The following VSX2 variants were observed in gnomAD, a reference collection of about 807,000 sequenced individuals.
The protein encoded by VSX2 is visual system homeobox 2.
Under a neutral mutation model 32.1 loss-of-function variants are expected in VSX2, and 28 were observed. The ratio of observed to expected loss-of-function variants is 0.87; its 90% CI spans 0.65 to 1.20. The LOEUF (loss-of-function observed/expected upper bound fraction) is 1.20. Ranked by LOEUF, VSX2 falls within the 50% of genes most tolerant of loss-of-function variation. The pLI is 0.00. For missense variants in VSX2, 506 were observed against 488.7 expected, an observed-to-expected ratio of 1.04 and a Z score of -0.33; for synonymous variants, 243 against 214.1, an observed-to-expected ratio of 1.14 and a Z score of -1.18.
At chr14:74,248,266 C>T (rs1349071493) in intron 3 of VSX2, among the ~76,000 whole-genome samples, 1 of 145,776 alleles carries the variant, frequency 6.9e-6, no homozygotes, top group Non-Finnish European at 1.5e-5. Flanking sequence ...TGGCTCAGGC[C>T]TGTAATCCTA....
chr14:74,244,746 A>G (rs1439503407), intron 2 of VSX2, among the ~76,000 whole-genome samples: 1 of 151,806 alleles, frequency 6.6e-6, no homozygotes, highest in African/African-American at 2.4e-5. Context: ...GCACCTCCAG[A>G]AAGATTCCCA....
At chr14:74,260,202 T>A (rs1245651556) in intron 4 of VSX2, among the ~76,000 whole-genome samples, 5 of 152,112 alleles carry the variant, frequency 3.3e-5, no homozygotes, top group Non-Finnish European at 5.9e-5. Context: ...CCCCCAAATC[T>A]CTCTACTTGC....
At chr14:74,254,981 C>T (rs1038724915) in intron 3 of VSX2, among the ~76,000 whole-genome samples, 36 of 151,906 alleles carry the variant, frequency 2.4e-4, no homozygotes, top group Admixed American at 2.2e-3. Context: ...GGGGTTTCAC[C>T]GTGTTAGCCA....
In VSX2 at chr14:74,245,280, AG is replaced by A; in HGVS notation, c.573del (p.Ile192TyrfsTer110). 1 of 1,613,468 alleles carries A rather than the reference AG, an allele frequency of 6.2e-7. No individual in the cohort carries two copies. The highest frequency in any genetic ancestry group is 8.5e-7 in the Non-Finnish European group (1 of 1,179,804). On this transcript the variant is annotated frameshift_variant, in exon 3 of 5. Transcript: ENST00000261980. LOFTEE classifies it high-confidence loss of function. ...LAMKTELPED[R>X]IQVWFQNRRA... Reference sequence around the variant, plus strand: ...CATGAAAACGGAGCTGCCGGAAGACAGGATACAGGTAACAGCCCTGAGCCCC... The same window carrying A: ...CATGAAAACGGAGCTGCCGGAAGACAGATACAGGTAACAGCCCTGAGCCCC...
chr14:74,245,872 T>C (rs1326832297), intron 3 of VSX2, among the ~76,000 whole-genome samples: 3 of 152,196 alleles, frequency 2.0e-5, no homozygotes, highest in Non-Finnish European at 4.4e-5. Context: ...TCTCCCAGGT[T>C]TGGCCTAGGA....
intron 3 of VSX2, among the ~76,000 whole-genome samples, chr14:74,252,493 C>A (rs1381745101): frequency 7.7e-6 from 1 of 129,460 alleles, no homozygotes; most frequent in Non-Finnish European, 1.7e-5. Context: ...CGAGTTCAAG[C>A]GATTCTCCTG....
chr14:74,240,391 G>T (rs899178496), intron 1 of VSX2, among the ~76,000 whole-genome samples: 37 of 152,110 alleles, frequency 2.4e-4, no homozygotes, highest in African/African-American at 8.4e-4. Context: ...CCCAAATCCC[G>T]CGCTGGTCAA....
At chr14:74,253,048 C>CAAAA (rs34396021) in intron 3 of VSX2, among the ~76,000 whole-genome samples, 12 of 95,424 alleles carry the variant, frequency 1.3e-4, no homozygotes, top group African/African-American at 2.6e-4. Flanking sequence ...GACTCCATCT[C>CAAAA]AAAAAAAAAA....
chr14:74,260,134 T>A (rs2079295065), intron 4 of VSX2, among the ~76,000 whole-genome samples: 1 of 152,008 alleles, frequency 6.6e-6, no homozygotes, highest in Admixed American at 6.6e-5. Context: ...TCCCTGGGGG[T>A]TGAGAGAACC....
intron 3 of VSX2, among the ~76,000 whole-genome samples, chr14:74,246,216 T>A (rs560419583): frequency 6.6e-6 from 1 of 152,334 alleles, no homozygotes; most frequent in Non-Finnish European, 1.5e-5. Context: ...CAGAGCTAGT[T>A]CATTGCGGAG....
chr14:74,261,029 C>T lies in VSX2; in HGVS notation c.*110C>T. On this transcript the variant is annotated 3_prime_UTR_variant, in exon 5 of 5. Transcript: ENST00000261980. ...CCCAGACCTGGCCTCTGCCATCCTC[C>T]CTGTTCCCCACAGGTCCTCCATCAC... is the stretch of plus-strand genomic sequence containing the variant. The T allele has an allele frequency of 7.5e-7, 1 of 1,328,634 alleles. No individual in the cohort carries two copies. The allele number at this position is 1,328,634 out of a possible 1,614,324, so 82.3% of individuals were successfully genotyped here.
intron 3 of VSX2, among the ~76,000 whole-genome samples, chr14:74,246,983 G>A (rs770789398): frequency 1.3e-5 from 2 of 152,078 alleles, no homozygotes; most frequent in Non-Finnish European, 2.9e-5. Flanking sequence ...CCTATAAGGT[G>A]GTATCTGAGG....
At chr14:74,240,189 G>C (rs1389299946) in intron 1 of VSX2, among the ~76,000 whole-genome samples, 1 of 152,182 alleles carries the variant, frequency 6.6e-6, no homozygotes, top group Non-Finnish European at 1.5e-5. Flanking sequence ...GCTCGGCCAC[G>C]GCACTCTGTT....
intron 3 of VSX2, among the ~76,000 whole-genome samples, chr14:74,252,400 T>C (rs1256391697): frequency 1.3e-5 from 2 of 151,622 alleles, no homozygotes; most frequent in Non-Finnish European, 2.9e-5. Context: ...CTTTCTTTTT[T>C]TTTTTTTTGA....
chr14:74,243,305 C>T (rs1232464247), intron 2 of VSX2, among the ~76,000 whole-genome samples: 1 of 152,164 alleles, frequency 6.6e-6, no homozygotes, highest in Non-Finnish European at 1.5e-5. Context: ...GAAAGCTCAG[C>T]TCCTCTTCAG....
intron 3 of VSX2, among the ~76,000 whole-genome samples, chr14:74,258,241 C>G (rs956517606): frequency 2.0e-5 from 3 of 152,202 alleles, no homozygotes; most frequent in African/African-American, 7.2e-5. Flanking sequence ...TTTAATTTCC[C>G]GTGGTATTTC....
intron 4 of VSX2, 90 bp downstream of exon 4, chr14:74,259,872 C>T (rs2079292987): frequency 1.5e-6 from 2 of 1,365,546 alleles, no homozygotes. Flanking sequence ...GGCAGGGGCA[C>T]TTGGGCCACA....
chr14:74,262,236 A>G lies in VSX2; in HGVS notation c.*1317A>G, dbSNP rs2139647676. 6.6e-6 allele frequency: 1 copy of G among 152,534 alleles called. No homozygotes were observed. Among genetic ancestry groups the G allele is most frequent in the African/African-American group, 2.4e-5 (1 of 41,596 alleles). 9.4% of individuals were successfully genotyped at this position (152,534 alleles called of 1,614,324 possible). A position where few individuals can be genotyped will look rare whatever the true frequency, so the allele number is the denominator to read the frequency against. On this transcript the variant is annotated 3_prime_UTR_variant, in exon 5 of 5. Transcript: ENST00000261980. ...ACTAAAACACGGTAACCATGATGGA[A>G]TAAGGAGCTGGGGCTTCTTTCTGCT...
intron 3 of VSX2, among the ~76,000 whole-genome samples, chr14:74,248,955 A>G (rs1327871680): frequency 6.6e-6 from 1 of 152,160 alleles, no homozygotes; most frequent in Admixed American, 6.5e-5. Context: ...AGGGCAGGTT[A>G]AGTTTAACAG....
Sources: allele counts gnomAD v4.1 joint callset (sites outside exome capture counted in the v4.1 genomes callset), GRCh38; gene constraint gnomAD v4.1.1; transcripts MANE v1.5; gene names NCBI Gene and HGNC (gene_info 2026-07-23, HGNC 2026-07-21).